NAA50: variants seen among roughly 807,000 people sequenced by gnomAD.
The protein encoded by NAA50 is N-alpha-acetyltransferase 50, NatE catalytic subunit, also known as N-alpha-acetyltransferase 50.
Under a neutral mutation model 20.7 loss-of-function variants are expected in NAA50, and 7 were observed. That is an observed-to-expected ratio of 0.34 (90% confidence interval 0.19 to 0.63). The LOEUF (loss-of-function observed/expected upper bound fraction) is 0.63. NAA50 is among the 30% of genes least tolerant of loss of function. The pLI, the probability that NAA50 is intolerant of heterozygous loss-of-function variation, is 0.75. For missense variants in NAA50, 111 were observed against 199.1 expected, an observed-to-expected ratio of 0.56 and a Z score of 2.66; for synonymous variants, 54 against 70.6, an observed-to-expected ratio of 0.77 and a Z score of 1.18.
chr3:113,733,959 G>A (rs561541198), intron 1 of NAA50, among the ~76,000 whole-genome samples: 2 of 151,604 alleles, frequency 1.3e-5, no homozygotes, highest in African/African-American at 4.8e-5. Flanking sequence ...TTTTGGAAGT[G>A]CCCCAGCAAA....
chr3:113,737,308 G>A (rs954222440), intron 1 of NAA50, among the ~76,000 whole-genome samples: 1 of 152,194 alleles, frequency 6.6e-6, no homozygotes, highest in African/African-American at 2.4e-5. Context: ...TAGAAGGGAG[G>A]TAATTTTTTC....
chr3:113,741,204 C>A (rs1708409442), intron 1 of NAA50: 4 of 485,288 alleles, frequency 8.2e-6, no homozygotes, highest in African/African-American at 3.9e-5. Context: ...TGAAACAAAT[C>A]AGCTGCCCAG....
chr3:113,732,826 C>T (rs1264650306), intron 1 of NAA50, among the ~76,000 whole-genome samples: 1 of 152,206 alleles, frequency 6.6e-6, no homozygotes, highest in African/African-American at 2.4e-5. Flanking sequence ...AAACCCATTT[C>T]AGACATTTAA....
intron 3 of NAA50, among the ~76,000 whole-genome samples, 198 bp downstream of exon 3, chr3:113,723,224 G>A (rs1208441921): frequency 2.0e-5 from 3 of 152,082 alleles, no homozygotes; most frequent in Non-Finnish European, 4.4e-5. Flanking sequence ...AGAAGGGGAC[G>A]TAAACAGCAA....
intron 1 of NAA50, among the ~76,000 whole-genome samples, chr3:113,744,978 C>T (rs755990265): frequency 6.6e-6 from 1 of 152,196 alleles, no homozygotes; most frequent in Non-Finnish European, 1.5e-5. Flanking sequence ...TCTTAATCGA[C>T]TTACAACAAC....
At chr3:113,730,913 A>G (rs1708263762) in intron 1 of NAA50, among the ~76,000 whole-genome samples, 1 of 152,212 alleles carries the variant, frequency 6.6e-6, no homozygotes, top group Admixed American at 6.5e-5. Context: ...TATGAACATA[A>G]GTTCTTATTT....
At chr3:113,745,916 G>A in intron 1 of NAA50, 26 bp downstream of exon 1, 2 of 1,602,026 alleles carry the variant, frequency 1.2e-6, no homozygotes, top group South Asian at 1.1e-5. Context: ...CCACCGGCCG[G>A]GCCCTGCCCG....
At chr3:113,727,741 C>T (rs539170916) in intron 1 of NAA50, among the ~76,000 whole-genome samples, 19 of 151,608 alleles carry the variant, frequency 1.3e-4, no homozygotes, top group Non-Finnish European at 2.1e-4. Flanking sequence ...TTTCTATGCG[C>T]GTTATATATA....
intron 1 of NAA50, among the ~76,000 whole-genome samples, chr3:113,745,431 C>T (rs1335915893): frequency 2.0e-5 from 3 of 152,174 alleles, no homozygotes; most frequent in Non-Finnish European, 2.9e-5. Flanking sequence ...GAGTCACTAG[C>T]TCTTAATACT....
intron 1 of NAA50, chr3:113,740,739 T>TC (rs1491587881): frequency 6.2e-6 from 1 of 162,570 alleles, no homozygotes; most frequent in East Asian, 1.8e-4. Flanking sequence ...GCACATTTTT[T>TC]CTTTTTTTTT....
chr3:113,733,610 G>T (rs1391133932), intron 1 of NAA50, among the ~76,000 whole-genome samples: 1 of 151,890 alleles, frequency 6.6e-6, no homozygotes, highest in Non-Finnish European at 1.5e-5. Context: ...CCAGCACTTT[G>T]GGCGGCTGAG....
rs189992912 is a variant in NAA50, at chr3:113,744,889, A to G, written c.8+1053T>C. ...TTTGGGGCAGTATGAGATTACGTTG[A>G]AAGTGACTTTTATTTCATCCTCAAA... On this transcript the variant is annotated intron_variant, in intron 1 of 4. Transcript: ENST00000240922. Among the ~76,000 whole-genome samples, 364 of 152,352 alleles carry G rather than the reference A, an allele frequency of 2.4e-3. 6 individuals carry two copies. The highest frequency in any genetic ancestry group is 0.019 in the Admixed American group (286 of 15,308).
chr3:113,729,993 G>C (rs1708251855), intron 1 of NAA50, among the ~76,000 whole-genome samples: 1 of 152,046 alleles, frequency 6.6e-6, no homozygotes, highest in Non-Finnish European at 1.5e-5. Context: ...GACAATTGGA[G>C]TATCTGGTCC....
intron 1 of NAA50, among the ~76,000 whole-genome samples, chr3:113,736,501 CCTAT>C (rs1483668817): frequency 6.6e-6 from 1 of 152,176 alleles, no homozygotes; most frequent in Non-Finnish European, 1.5e-5. Context: ...TTACCCTTGG[CCTAT>C]AAATCAAGCA....
chr3:113,732,339 A>G (rs1187024606), intron 1 of NAA50, among the ~76,000 whole-genome samples: 1 of 152,222 alleles, frequency 6.6e-6, no homozygotes, highest in African/African-American at 2.4e-5. Context: ...TGCCTATAGA[A>G]GCTGGAAGAG....
intron 1 of NAA50, among the ~76,000 whole-genome samples, chr3:113,734,229 T>C (rs1211230422): frequency 6.6e-6 from 1 of 152,158 alleles, no homozygotes; most frequent in Non-Finnish European, 1.5e-5. Flanking sequence ...TGTTCTCACT[T>C]ATATGTGGGA....
intron 1 of NAA50, chr3:113,741,300 TC>T: frequency 2.8e-6 from 1 of 351,458 alleles, no homozygotes; most frequent in Non-Finnish European, 5.6e-6. Context: ...AAGGTACATT[TC>T]AACTGCTCAA....
chr3:113,722,728 T>C (rs942951047), intron 4 of NAA50, among the ~76,000 whole-genome samples, 178 bp downstream of exon 4: 6 of 152,160 alleles, frequency 3.9e-5, no homozygotes, highest in Non-Finnish European at 8.8e-5. Flanking sequence ...GTTCCTAATC[T>C]ACTATTATTA....
chr3:113,745,319 T>C (rs142915476), intron 1 of NAA50, among the ~76,000 whole-genome samples: 3 of 152,106 alleles, frequency 2.0e-5, no homozygotes, highest in African/African-American at 7.2e-5. Context: ...CTCCACCTAC[T>C]GATCCACCCT....
Sources: gnomAD v4.1 joint callset for allele counts (sites outside exome capture counted in the v4.1 genomes callset) on GRCh38, gnomAD v4.1.1 for gene constraint, MANE v1.5 for transcripts, NCBI Gene and HGNC (gene_info 2026-07-23, HGNC 2026-07-21) for gene names.